Variants in TEX9 observed in about 807,000 individuals in gnomAD.
The protein encoded by TEX9 is testis expressed 9.
TEX9 carries 74 observed loss-of-function variants against 59.6 expected under a neutral mutation model. The ratio of observed to expected loss-of-function variants is 1.24; its 90% CI spans 1.03 to 1.51. TEX9 has a LOEUF of 1.51. Ranked by LOEUF, TEX9 falls within the 40% of genes most tolerant of loss-of-function variation. The probability of loss-of-function intolerance (pLI) is 0.00; values close to 1 mark genes in which losing one functional copy is unlikely to be tolerated. For synonymous variants in TEX9, 186 were observed against 152.2 expected (o/e 1.22, Z -1.64); for missense variants, 522 against 447.8 (o/e 1.17, Z -1.49).
At chr15:56,326,042 A>T (rs2046013386) in intron 1 of TEX9, among the ~76,000 whole-genome samples, 1 of 152,170 alleles carries the variant, frequency 6.6e-6, no homozygotes, top group African/African-American at 2.4e-5. Flanking sequence ...GTTTGATGAG[A>T]TAAACTCAAG....
chr15:56,410,919 T>C (rs2049313489), intron 9 of TEX9, among the ~76,000 whole-genome samples: 1 of 152,232 alleles, frequency 6.6e-6, no homozygotes, highest in Non-Finnish European at 1.5e-5. Flanking sequence ...AAGAAGGCTG[T>C]GATAGCAGAT....
chr15:56,379,576 A>G (rs1343523267), intron 3 of TEX9, among the ~76,000 whole-genome samples: 1 of 152,224 alleles, frequency 6.6e-6, no homozygotes, highest in Non-Finnish European at 1.5e-5. Context: ...TCTGCAGTGC[A>G]GATTAAGTCT....
At chr15:56,426,744 C>A (rs1380330083) in intron 10 of TEX9, among the ~76,000 whole-genome samples, 2 of 150,628 alleles carry the variant, frequency 1.3e-5, no homozygotes, top group Non-Finnish European at 3.0e-5. Context: ...CTTCTGGTAT[C>A]ATTTTCCTTT....
chr15:56,255,388 A>C (rs560008435), intron 1 of TEX9, among the ~76,000 whole-genome samples: 2 of 152,212 alleles, frequency 1.3e-5, no homozygotes, highest in African/African-American at 4.8e-5. Flanking sequence ...TGATAAACAC[A>C]TACACACACA....
intron 6 of TEX9, among the ~76,000 whole-genome samples, chr15:56,390,376 C>T (rs1482593790): frequency 6.6e-6 from 1 of 151,878 alleles, no homozygotes; most frequent in Non-Finnish European, 1.5e-5. Context: ...TCAAACAATG[C>T]TTGAGGGGAT....
rs192328297 is a variant in TEX9 at position 56,306,827 on chromosome 15, C to T, written c.-107+62549C>T. On this transcript the variant is annotated intron_variant, in intron 1 of 5. Coordinates refer to the TEX9 transcript ENST00000560827. ...CATTTACTCTGATGTGATTATTATG[C>T]ATTGCATGCTTGTATCAAAATATCT... 2.0e-4 allele frequency among the ~76,000 whole-genome samples: 30 copies of T among 152,240 alleles called. No individual in the cohort carries two copies. In the East Asian group the frequency reaches 5.0e-3, roughly 25 times the overall value.
chr15:56,248,164 G>A (rs2043908894), intron 1 of TEX9, among the ~76,000 whole-genome samples: 1 of 152,218 alleles, frequency 6.6e-6, no homozygotes, highest in African/African-American at 2.4e-5. Context: ...GTGGGAGGGA[G>A]TGAAGAGGAG....
At chr15:56,369,440 A>G (rs191819998) in intron 2 of TEX9, among the ~76,000 whole-genome samples, 17 of 150,908 alleles carry the variant, frequency 1.1e-4, no homozygotes, top group Non-Finnish European at 1.8e-4. Context: ...TGCAACCTTC[A>G]TCTCCCAGGC....
chr15:56,438,408 T>G (rs1039311731), intron 12 of TEX9, among the ~76,000 whole-genome samples: 5 of 152,098 alleles, frequency 3.3e-5, no homozygotes, highest in Non-Finnish European at 5.9e-5. Context: ...AGTCCCTGTT[T>G]AATAAATGGT....
At chr15:56,426,626 T>TATATACACACAC (rs1214988827) in intron 10 of TEX9, among the ~76,000 whole-genome samples, 11 of 47,194 alleles carry the variant, frequency 2.3e-4, no homozygotes, top group African/African-American at 4.8e-4. Flanking sequence ...TATATATATA[T>TATATACACACAC]ACACACACAC....
chr15:56,294,995 GT>G (rs2045184337), intron 1 of TEX9, among the ~76,000 whole-genome samples: 1 of 151,942 alleles, frequency 6.6e-6, no homozygotes, highest in East Asian at 1.9e-4. Context: ...AAGGCTGTAT[GT>G]TTTTTCATAT....
chr15:56,451,784 G>A, the TEX9 span, among the ~76,000 whole-genome samples: 1 of 152,138 alleles, frequency 6.6e-6, no homozygotes, highest in Non-Finnish European at 1.5e-5. Flanking sequence ...ATTGGGACAT[G>A]AACCCATCGT....
chr15:56,292,537 G>A (rs1229712101), intron 1 of TEX9, among the ~76,000 whole-genome samples: 1 of 152,180 alleles, frequency 6.6e-6, no homozygotes, highest in African/African-American at 2.4e-5. Flanking sequence ...GAGGGTCTGA[G>A]CTACTCCACC....
chr15:56,342,451 T>C (rs570253864), intron 1 of TEX9, among the ~76,000 whole-genome samples: 173 of 152,102 alleles, frequency 1.1e-3, no homozygotes, highest in Non-Finnish European at 2.2e-3. Context: ...AACAAGAAAC[T>C]TCTATCAACC....
At chr15:56,396,428 CA>C (rs1261473300) in intron 9 of TEX9, 2 of 152,142 alleles carry the variant, frequency 1.3e-5, no homozygotes, top group African/African-American at 4.8e-5. Context: ...ATCAGCCCCC[CA>C]AAATTCCCTG....
intron 1 of TEX9, among the ~76,000 whole-genome samples, chr15:56,292,520 T>C (rs2045119144): frequency 6.6e-6 from 1 of 152,190 alleles, no homozygotes; most frequent in Non-Finnish European, 1.5e-5. Context: ...TTAGACCTTT[T>C]GGCAGTGAGG....
At chr15:56,358,485 A>T (rs2046729676) in intron 1 of TEX9, among the ~76,000 whole-genome samples, 1 of 152,150 alleles carries the variant, frequency 6.6e-6, no homozygotes, top group African/African-American at 2.4e-5. Context: ...TTTGCAGAAA[A>T]ACTGAGAATA....
At chr15:56,439,795 A>G (rs2050788543) in intron 12 of TEX9, among the ~76,000 whole-genome samples, 1 of 151,532 alleles carries the variant, frequency 6.6e-6, no homozygotes, top group Admixed American at 6.6e-5. Flanking sequence ...CACACACACA[A>G]ACCTTTAGGA....
intron 1 of TEX9, among the ~76,000 whole-genome samples, chr15:56,259,765 C>G: frequency 6.6e-6 from 1 of 151,994 alleles, no homozygotes; most frequent in Non-Finnish European, 1.5e-5. Context: ...TACATTTCCA[C>G]AAAAATTCTG....
Sources: allele counts gnomAD v4.1 joint callset (sites outside exome capture counted in the v4.1 genomes callset), GRCh38; gene constraint gnomAD v4.1.1; transcripts MANE v1.5; gene names NCBI Gene and HGNC (gene_info 2026-07-23, HGNC 2026-07-21).